Variants in MYOCD observed in about 807,000 individuals in gnomAD.
MYOCD encodes myocardin.
A neutral mutation model predicts 96.1 loss-of-function variants in MYOCD; 32 were observed. The observed-to-expected ratio is 0.33, with a 90% CI of 0.25 to 0.45. The LOEUF is 0.45. Ranked by LOEUF, MYOCD falls within the 20% of genes least tolerant of loss-of-function variation. The pLI, the probability that MYOCD is intolerant of heterozygous loss-of-function variation, is 1.00. For synonymous variants in MYOCD, 469 were observed against 469.0 expected (o/e 1.00, Z 0.00); for missense variants, 1,133 against 1,200.6 (o/e 0.94, Z 0.83).
intron 1 of MYOCD, among the ~76,000 whole-genome samples, chr17:12,686,248 C>A (rs977843691): frequency 6.6e-6 from 1 of 152,170 alleles, no homozygotes; most frequent in Non-Finnish European, 1.5e-5. Flanking sequence ...CTCCAAGGAG[C>A]CTTTGACATC....
chr17:12,763,628 A>C lies in MYOCD; in HGVS notation c.2945A>C (p.His982Pro). 1.2e-6 allele frequency: 2 copies of C among 1,611,206 alleles called. No individual in the cohort carries two copies. Among genetic ancestry groups the C allele is most frequent in the Non-Finnish European group, 1.7e-6 (2 of 1,178,438 alleles). ...AATTTGAATTCTTCCATGGACCTTCACTTGCAGCAGTGGTAGAATGCCCAA... is the reference window on the plus strand; with the variant it reads ...AATTTGAATTCTTCCATGGACCTTCCCTTGCAGCAGTGGTAGAATGCCCAA... The part of the protein sequence containing the change: ...DLNLNSSMDL[H>P]LQQW The change falls in exon 14 of 14, where the codon CAC (histidine) becomes CCC (proline). Residue 982 changes from histidine (H) to proline (P), a missense_variant. Transcript: ENST00000425538.
intron 6 of MYOCD, among the ~76,000 whole-genome samples, chr17:12,738,533 G>GCACA (rs138662709): frequency 6.6e-6 from 1 of 151,300 alleles, no homozygotes; most frequent in Admixed American, 6.6e-5. Context: ...GCACACATGT[G>GCACA]CACACACACA....
rs758830488 is a variant in MYOCD at position 12,763,653 on chromosome 17, A to C, written c.*9A>C. On this transcript the variant is annotated 3_prime_UTR_variant, in exon 14 of 14. Transcript: ENST00000425538. The stretch of plus-strand genomic sequence containing the variant: ...ACTTGCAGCAGTGGTAGAATGCCCA[A>C]TGCACCAGTGCTATGGAAGACCAAT... 7.5e-6 allele frequency: 12 copies of C among 1,599,638 alleles called. No homozygotes were observed. The African/African-American group carries it at 1.5e-4, about 20-fold the overall frequency.
chr17:12,718,399 C>T (rs1051161410), intron 4 of MYOCD, among the ~76,000 whole-genome samples: 2 of 152,074 alleles, frequency 1.3e-5, no homozygotes, highest in Non-Finnish European at 2.9e-5. Flanking sequence ...GGAAGGGGGT[C>T]GCAGTCTGAG....
intron 2 of MYOCD, among the ~76,000 whole-genome samples, chr17:12,714,469 G>A (rs2031577756): frequency 6.6e-6 from 1 of 151,906 alleles, no homozygotes; most frequent in Non-Finnish European, 1.5e-5. Context: ...TGGAACTCGG[G>A]ATCATGTGAT....
At chr17:12,685,858 AG>A (rs2030091757) in intron 1 of MYOCD, among the ~76,000 whole-genome samples, 1 of 152,234 alleles carries the variant, frequency 6.6e-6, no homozygotes, top group South Asian at 2.1e-4. Context: ...ACAAATAGCA[AG>A]GAATTGTTCA....
Position 12,757,895 on chromosome 17 carries a change from C to T in MYOCD, c.2203-190C>T, listed in dbSNP as rs34721653. ...ATCTTGCAAGGTTGCCATTCTAAGA[C>T]GCCACCACCAATGAACCCACAGTAG... is the stretch of plus-strand genomic sequence containing the variant. On this transcript the variant is annotated intron_variant, in intron 11 of 13. Coordinates refer to ENST00000425538, the MANE Select transcript of MYOCD (RefSeq NM_001146312.3). Among the ~76,000 whole-genome samples the T allele has an allele frequency of 7.0e-3, 1,069 of 152,256 alleles. 9 individuals are homozygous for T. The highest frequency in any genetic ancestry group is 0.013 in the Admixed American group (199 of 15,284).
At chr17:12,727,761 A>T (rs2032042102) in intron 5 of MYOCD, among the ~76,000 whole-genome samples, 1 of 152,138 alleles carries the variant, frequency 6.6e-6, no homozygotes, top group Non-Finnish European at 1.5e-5. Context: ...TTGACAGAGG[A>T]CTGTCCCTAC....
intron 9 of MYOCD, among the ~76,000 whole-genome samples, chr17:12,750,415 G>A (rs1830532061): frequency 6.6e-6 from 1 of 152,102 alleles, no homozygotes. Context: ...TGGGCCGGGC[G>A]CTATGGCTCA....
Position 12,753,394 on chromosome 17 carries a change from G to T in MYOCD, c.2058+48G>T, listed in dbSNP as rs4792277. On this transcript the variant is annotated intron_variant, in intron 10 of 13. Transcript: ENST00000425538. ...CTGGTGCACACTTCTTTCTGGAAGTGGGTTACAAATTTTCAACTGCTAAAG... is the reference window on the plus strand; with the variant it reads ...CTGGTGCACACTTCTTTCTGGAAGTTGGTTACAAATTTTCAACTGCTAAAG... The T allele has an allele frequency of 2.7e-6, 4 of 1,489,488 alleles. No individual in the cohort carries two copies. The East Asian group carries it at 9.2e-5, about 34-fold the overall frequency. 92.3% of individuals were successfully genotyped at this position (1,489,488 alleles called of 1,614,324 possible).
At chr17:12,744,942 C>T (rs967091039) in intron 8 of MYOCD, among the ~76,000 whole-genome samples, 4 of 152,204 alleles carry the variant, frequency 2.6e-5, no homozygotes, top group African/African-American at 9.6e-5. Flanking sequence ...TAAAGTGAAA[C>T]TGCCAATAGG....
intron 1 of MYOCD, among the ~76,000 whole-genome samples, chr17:12,671,349 A>C (rs988887299): frequency 3.3e-5 from 5 of 152,214 alleles, no homozygotes; most frequent in Non-Finnish European, 5.9e-5. Flanking sequence ...GTGTACTAAA[A>C]CTAGAACAAA....
intron 1 of MYOCD, among the ~76,000 whole-genome samples, chr17:12,677,569 G>A (rs555309284): frequency 2.6e-5 from 4 of 151,812 alleles, no homozygotes; most frequent in South Asian, 2.1e-4. Flanking sequence ...AAAATTAGCC[G>A]GGCATGGTGG....
intron 5 of MYOCD, among the ~76,000 whole-genome samples, chr17:12,728,568 C>G (rs919505780): frequency 6.6e-6 from 1 of 152,146 alleles, no homozygotes; most frequent in African/African-American, 2.4e-5. Context: ...CAACCTCTGT[C>G]TCCCGGGTTC....
chr17:12,708,626 C>T (rs184599584), intron 2 of MYOCD, among the ~76,000 whole-genome samples: 19 of 152,170 alleles, frequency 1.2e-4, no homozygotes, highest in African/African-American at 4.3e-4. Context: ...CTCCTGACTT[C>T]GTGATCCACC....
intron 8 of MYOCD, 130 bp from the exon 9 acceptor site, chr17:12,745,788 CA>C (rs2032645330): frequency 3.3e-6 from 3 of 912,460 alleles, no homozygotes. Flanking sequence ...TGTTTTTCCT[CA>C]CCCTGGTCTC....
At chr17:12,675,654 C>T (rs775404999) in intron 1 of MYOCD, among the ~76,000 whole-genome samples, 14 of 152,250 alleles carry the variant, frequency 9.2e-5, no homozygotes, top group Admixed American at 5.9e-4. Flanking sequence ...GTCAGGGGAT[C>T]GAGACCATCC....
intron 7 of MYOCD, among the ~76,000 whole-genome samples, chr17:12,740,251 G>A (rs12945284): frequency 0.41 from 62,163 of 151,978 alleles, 12,904 homozygotes; most frequent in East Asian, 0.57. Context: ...TGGCGATTTC[G>A]GAGATTGTAG....
intron 1 of MYOCD, among the ~76,000 whole-genome samples, chr17:12,687,315 A>G (rs997625265): frequency 6.6e-6 from 1 of 152,130 alleles, no homozygotes; most frequent in Non-Finnish European, 1.5e-5. Context: ...TTCTTGCATT[A>G]TTATTATTTT....
Sources: gnomAD v4.1 joint callset for allele counts (sites outside exome capture counted in the v4.1 genomes callset) on GRCh38, gnomAD v4.1.1 for gene constraint, MANE v1.5 for transcripts, NCBI Gene and HGNC (gene_info 2026-07-23, HGNC 2026-07-21) for gene names.